MCF2: variants seen among roughly 807,000 people sequenced by gnomAD.
The protein encoded by MCF2 is MCF.2 cell line derived transforming sequence.
MCF2 carries 44 observed loss-of-function variants against 82.5 expected under a neutral mutation model. The observed-to-expected ratio is 0.53, with a 90% confidence interval of 0.42 to 0.69. The LOEUF is 0.69. Among genes scored for constraint, MCF2 ranks in the 30% least tolerant of loss-of-function variants. MCF2 has a pLI of 0.00. For missense variants in MCF2, 623 were observed against 663.1 expected (o/e 0.94, Z 0.66); for synonymous variants, 217 against 224.9 (o/e 0.96, Z 0.32).
intron 4 of MCF2, among the ~76,000 whole-genome samples, chrX:139,629,425 C>G (rs1235651780): frequency 8.9e-6 from 1 of 112,009 alleles, no homozygotes; most frequent in East Asian, 2.8e-4. Flanking sequence ...CATAGTAAAA[C>G]AAAAGACTAT....
At chrX:139,693,593 T>C (rs776648493) in intron 1 of MCF2, among the ~76,000 whole-genome samples, 7 of 111,096 alleles carry the variant, frequency 6.3e-5, no homozygotes, top group Non-Finnish European at 1.1e-4. Flanking sequence ...TATTTTTATC[T>C]GAATGTGTAA....
intron 1 of MCF2, among the ~76,000 whole-genome samples, chrX:139,658,665 GTGT>G (rs1934264540): frequency 1.2e-5 from 1 of 86,869 alleles, no homozygotes; most frequent in African/African-American, 4.9e-5. Flanking sequence ...AAAAAAAGAT[GTGT>G]TTTTTTTTTT....
At chrX:139,681,369 C>A (rs1321308706) in intron 1 of MCF2, among the ~76,000 whole-genome samples, 1 of 111,568 alleles carries the variant, frequency 9.0e-6, no homozygotes, top group African/African-American at 3.3e-5. Context: ...CACCCTCCAG[C>A]CACAAAGTTA....
exon 22 of MCF2, chrX:139,587,780 T>C (rs755530975): frequency 9.4e-6 from 11 of 1,165,591 alleles, no homozygotes; most frequent in African/African-American, 1.8e-5. Context: ...TGTTGCTTTC[T>C]TTTTTTAACT....
chrX:139,652,571 A>G (rs918248926), intron 1 of MCF2, among the ~76,000 whole-genome samples: 1 of 112,104 alleles, frequency 8.9e-6, no homozygotes, highest in African/African-American at 3.2e-5. Context: ...TTAACTTACA[A>G]TGTTCAATTC....
At chrX:139,686,517 A>G (rs1203717532) in intron 1 of MCF2, among the ~76,000 whole-genome samples, 2 of 108,467 alleles carry the variant, frequency 1.8e-5, no homozygotes, top group African/African-American at 6.7e-5. Context: ...GTGAGACTCT[A>G]TCTCGGAAAA....
intron 19 of MCF2, among the ~76,000 whole-genome samples, chrX:139,596,205 A>C (rs1439011044): frequency 9.0e-6 from 1 of 111,221 alleles, no homozygotes; most frequent in African/African-American, 3.3e-5. Context: ...CAAGACCAAG[A>C]ACTCCACCCA....
chrX:139,669,450 T>C (rs750656896), intron 1 of MCF2, among the ~76,000 whole-genome samples: 2 of 112,544 alleles, frequency 1.8e-5, no homozygotes, highest in East Asian at 5.6e-4. Context: ...TATTATAAAA[T>C]GTAAAATGGT....
intron 6 of MCF2, among the ~76,000 whole-genome samples, chrX:139,621,044 C>T (rs752044988): frequency 1.6e-4 from 18 of 111,226 alleles, no homozygotes; most frequent in South Asian, 7.6e-4. Context: ...AATAAAGCCA[C>T]GCATCTACAA....
At chrX:139,681,380 T>C (rs1428586163) in intron 1 of MCF2, among the ~76,000 whole-genome samples, 1 of 111,939 alleles carries the variant, frequency 8.9e-6, no homozygotes, top group Non-Finnish European at 1.9e-5. Context: ...CACAAAGTTA[T>C]GCAAAATTCA....
chrX:139,586,460 A>G (rs756565735), exon 23 of MCF2: 1 of 1,205,728 alleles, frequency 8.3e-7, no homozygotes, highest in Admixed American at 2.2e-5. Flanking sequence ...CAGTTTCCTC[A>G]GTACTTATAA....
At chrX:139,692,909 G>A (rs1935307408) in intron 1 of MCF2, among the ~76,000 whole-genome samples, 1 of 112,355 alleles carries the variant, frequency 8.9e-6, no homozygotes, top group African/African-American at 3.2e-5. Flanking sequence ...CGCCCTTCAG[G>A]TCCCAAACGC....
At chrX:139,603,767 G>C (rs1209972069) in intron 15 of MCF2, among the ~76,000 whole-genome samples, 1 of 109,640 alleles carries the variant, frequency 9.1e-6, no homozygotes, top group Non-Finnish European at 1.9e-5. Context: ...CCCGGGACGT[G>C]GAGGTTGCAG....
chrX:139,651,415 G>C (rs1016136406), intron 2 of MCF2, among the ~76,000 whole-genome samples: 1 of 111,280 alleles, frequency 9.0e-6, no homozygotes, highest in African/African-American at 3.3e-5. Context: ...CCACCTAGGA[G>C]ACATATTCTA....
intron 1 of MCF2, among the ~76,000 whole-genome samples, chrX:139,672,892 A>G (rs1934743965): frequency 8.9e-6 from 1 of 111,874 alleles, no homozygotes; most frequent in Non-Finnish European, 1.9e-5. Context: ...AAGGAATAGT[A>G]CCAGCTCCTC....
intron 16 of MCF2, among the ~76,000 whole-genome samples, chrX:139,599,196 G>T: frequency 9.3e-6 from 1 of 107,223 alleles, no homozygotes; most frequent in Non-Finnish European, 1.9e-5. Flanking sequence ...ATTCAAATGA[G>T]ACTTAAAGAT....
At chrX:139,625,479 C>A (rs1363252069) in intron 6 of MCF2, among the ~76,000 whole-genome samples, 1 of 111,361 alleles carries the variant, frequency 9.0e-6, no homozygotes. Flanking sequence ...CCTCCGAAAC[C>A]TAACTCTGAT....
At position 139,651,877 on chromosome X, in the gene MCF2, A is replaced by T. The variant is rs1037306237; in HGVS notation, c.-44-89T>A. 5 of 550,161 alleles carry T rather than the reference A, an allele frequency of 9.1e-6. No homozygotes were observed. In the African/African-American group the frequency reaches 1.2e-4, roughly 13 times the overall value. The allele number at this position is 550,161 out of a possible 1,213,427, so 45.3% of individuals were successfully genotyped here. A position where few individuals can be genotyped will look rare whatever the true frequency, so the allele number is the denominator to read the frequency against. ...ACACATGATTTCTCACTGTGTCTAA[A>T]ATTATTCTGGGAGCCCCACAGGTCT... On this transcript the variant is annotated intron_variant, in intron 1 of 27. Coordinates refer to the MCF2 transcript ENST00000414978.
Position 139,604,882 on chromosome X carries a change from C to A in MCF2, c.1660G>T (p.Glu554Ter). 1 of 1,172,745 alleles carries A rather than the reference C, an allele frequency of 8.5e-7. No individual in the cohort carries two copies. The highest frequency in any genetic ancestry group is 1.2e-6 in the Non-Finnish European group (1 of 866,322). Residue 554 changes from glutamate to a stop codon, truncating the protein, a stop_gained, in exon 14 of 25, where the codon GAA (glutamate) becomes TAA (stop). Coordinates refer to ENST00000370576, the Ensembl canonical transcript of MCF2. LOFTEE classifies it high-confidence loss of function. ...GCAATTACATACTCGTTATGGAATTCATATATTTCTGCCATGTTTCCAAAG... is the reference window on the plus strand; with the variant it reads ...GCAATTACATACTCGTTATGGAATTAATATATTTCTGCCATGTTTCCAAAG...
Sources: gnomAD v4.1 joint callset for allele counts (sites outside exome capture counted in the v4.1 genomes callset) on GRCh38, gnomAD v4.1.1 for gene constraint, MANE v1.5 for transcripts, NCBI Gene and HGNC (gene_info 2026-07-23, HGNC 2026-07-21) for gene names.